Variants in ZFHX3 observed in about 807,000 individuals in gnomAD.
ZFHX3 encodes zinc finger homeobox 3.
In ZFHX3, 42 loss-of-function variants were observed where a neutral mutation model predicts 279.1. That is an observed-to-expected ratio of 0.15 (90% CI 0.12 to 0.19). The LOEUF is 0.19. Ranked by LOEUF, ZFHX3 falls within the 10% of genes least tolerant of loss-of-function variation. The pLI, the probability that ZFHX3 is intolerant of heterozygous loss-of-function variation, is 1.00. For synonymous variants in ZFHX3, 2,293 were observed against 1,957.8 expected (o/e 1.17, Z -4.52); for missense variants, 4,981 against 4,754.0 (o/e 1.05, Z -1.40).
At chr16:73,000,429 C>G (rs1963450418) in intron 1 of ZFHX3, among the ~76,000 whole-genome samples, 1 of 152,096 alleles carries the variant, frequency 6.6e-6, no homozygotes, top group Non-Finnish European at 1.5e-5. Context: ...CCATTTTTTT[C>G]CTAACTCATT....
chr16:73,183,159 C>A (rs1047351665), intron 5 of ZFHX3, among the ~76,000 whole-genome samples: 2 of 152,092 alleles, frequency 1.3e-5, no homozygotes, highest in African/African-American at 4.8e-5. Context: ...GAGCCAAGAT[C>A]GTGCCACTGC....
chr16:72,949,261 C>T (rs1242864391), intron 3 of ZFHX3, among the ~76,000 whole-genome samples: 1 of 152,098 alleles, frequency 6.6e-6, no homozygotes, highest in African/African-American at 2.4e-5. Context: ...TAGCTCGGGG[C>T]CAGCAGAAAC....
chr16:73,647,362 G>T (rs916698386), intron 2 of ZFHX3, among the ~76,000 whole-genome samples: 1 of 152,186 alleles, frequency 6.6e-6, no homozygotes, highest in African/African-American at 2.4e-5. Flanking sequence ...TGGAGCAGGG[G>T]TGTGGTGAGA....
intron 3 of ZFHX3, among the ~76,000 whole-genome samples, chr16:73,349,619 T>A (rs1449194777): frequency 1.7e-5 from 1 of 59,152 alleles, no homozygotes; most frequent in African/African-American, 4.7e-5. Context: ...ACTTCCTCCC[T>A]CCCTTCCTCC....
intron 2 of ZFHX3, among the ~76,000 whole-genome samples, chr16:73,610,365 T>C (rs998841138): frequency 2.6e-5 from 4 of 152,192 alleles, no homozygotes; most frequent in Non-Finnish European, 5.9e-5. Context: ...GTGTGCCCCT[T>C]TTCTTCAAAC....
rs1326284850 is a variant in ZFHX3 at position 72,787,984 on chromosome 16, A to C, written c.10292T>G (p.Val3431Gly). ...PEEQKNTPRE[V>G]SPLLPKLPEE... ...AGGGAGTTTCGGCAGGAGGGGGGAC[A>C]CCTCACGGGGGGTGTTTTTCTGTTC... Residue 3431 changes from valine to glycine, a missense_variant, in exon 10 of 10, where the codon GTG becomes GGG. Transcript: ENST00000268489. 6.3e-7 allele frequency: 1 copy of C among 1,597,966 alleles called. No homozygotes were observed. The highest frequency in any genetic ancestry group is 8.5e-7 in the Non-Finnish European group (1 of 1,173,586).
intron 1 of ZFHX3, among the ~76,000 whole-genome samples, chr16:72,970,724 C>T (rs1290495406): frequency 6.6e-6 from 1 of 152,202 alleles, no homozygotes; most frequent in African/African-American, 2.4e-5. Flanking sequence ...TGCCAGCACT[C>T]AAGGCTTTTT....
At chr16:73,837,027 C>A (rs1375892369) in intron 1 of ZFHX3, among the ~76,000 whole-genome samples, 1 of 152,208 alleles carries the variant, frequency 6.6e-6, no homozygotes, top group African/African-American at 2.4e-5. Context: ...ACTTCCCAGT[C>A]TCCAGAATCA....
intron 7 of ZFHX3, chr16:72,807,148 A>C (rs538788290): frequency 1.3e-5 from 2 of 152,308 alleles, no homozygotes; most frequent in South Asian, 4.1e-4. Context: ...AGCAGCTCCT[A>C]CATCTCTTTC....
At chr16:73,574,549 C>A (rs2051779838) in intron 2 of ZFHX3, among the ~76,000 whole-genome samples, 1 of 152,164 alleles carries the variant, frequency 6.6e-6, no homozygotes, top group African/African-American at 2.4e-5. Context: ...GACCTGATAA[C>A]CCTCCAGATT....
chr16:72,857,506 G>A (rs1280800442), intron 4 of ZFHX3, among the ~76,000 whole-genome samples: 1 of 152,212 alleles, frequency 6.6e-6, no homozygotes, highest in Non-Finnish European at 1.5e-5. Flanking sequence ...GCAACATAGC[G>A]AGACTTCATC....
At chr16:73,341,719 G>C (rs148054914) in intron 3 of ZFHX3, among the ~76,000 whole-genome samples, 1 of 152,268 alleles carries the variant, frequency 6.6e-6, no homozygotes, top group Non-Finnish European at 1.5e-5. Flanking sequence ...GGATAAACAA[G>C]AGATGGTATA....
At chr16:73,436,525 C>A (rs777627836) in intron 3 of ZFHX3, among the ~76,000 whole-genome samples, 1 of 152,172 alleles carries the variant, frequency 6.6e-6, no homozygotes, top group Non-Finnish European at 1.5e-5. Context: ...ACCACCCCCA[C>A]GATTCAGTTA....
intron 2 of ZFHX3, among the ~76,000 whole-genome samples, chr16:73,619,859 G>A (rs1597031565): frequency 6.6e-6 from 1 of 152,152 alleles, no homozygotes; most frequent in East Asian, 1.9e-4. Context: ...TTTTTCTCAT[G>A]TGAGTCTCCA....
At position 73,589,733 on chromosome 16, in the gene ZFHX3, C is replaced by CAAAAA. The variant is rs59777135; in HGVS notation, c.-1547+90442_-1547+90446dup. ...TGGGTGACAGAGCGAGACTCCGTCT[C>CAAAAA]AAAAAAAAAAAAAAAAAAAAAAAAA... is the stretch of plus-strand genomic sequence containing the variant. On this transcript the variant is annotated intron_variant, in intron 2 of 17. Coordinates refer to the ZFHX3 transcript ENST00000641206. Among the ~76,000 whole-genome samples the CAAAAA allele has an allele frequency of 6.8e-3, 202 of 29,590 alleles. 54 individuals are homozygous for CAAAAA. The highest frequency in any genetic ancestry group is 0.011 in the East Asian group (6 of 536). 19.4% of individuals were successfully genotyped at this position (29,590 alleles called of 152,430 possible).
At chr16:72,886,471 A>T (rs777849447) in intron 4 of ZFHX3, among the ~76,000 whole-genome samples, 1 of 152,194 alleles carries the variant, frequency 6.6e-6, no homozygotes, top group African/African-American at 2.4e-5. Flanking sequence ...GAAGCACTAC[A>T]TTCCAAAACA....
At position 72,919,777 on chromosome 16, in the gene ZFHX3, CTTTTTTTTTT is replaced by C. The variant is rs532405250; in HGVS notation, c.3217-29825_3217-29816del. Among the ~76,000 whole-genome samples the C allele has an allele frequency of 2.8e-4, 12 of 42,290 alleles. No homozygotes were observed. The South Asian group carries it at 4.6e-3, about 16-fold the overall frequency. The allele number at this position is 42,290 out of a possible 152,430, so 27.7% of individuals were successfully genotyped here. The stretch of plus-strand genomic sequence containing the variant: ...CAACTAAAACATGTATATGCACCAT[CTTTTTTTTTT>C]TTTTTTTTTTTTTTTTTTTTTTGAG... On this transcript the variant is annotated intron_variant, in intron 3 of 9. Coordinates refer to ENST00000268489, the MANE Select transcript of ZFHX3 (RefSeq NM_006885.4).
intron 7 of ZFHX3, among the ~76,000 whole-genome samples, chr16:73,101,518 A>G (rs945123604): frequency 6.6e-6 from 1 of 152,142 alleles, no homozygotes. Flanking sequence ...AGCTGGGACA[A>G]CAGGCAAGCG....
At chr16:72,970,737 TCTC>T (rs1962069565) in intron 1 of ZFHX3, among the ~76,000 whole-genome samples, 1 of 152,192 alleles carries the variant, frequency 6.6e-6, no homozygotes, top group Admixed American at 6.5e-5. Flanking sequence ...GGCTTTTTCA[TCTC>T]CTCCCAATTT....
Sources: gnomAD v4.1 joint callset for allele counts (sites outside exome capture counted in the v4.1 genomes callset) on GRCh38, gnomAD v4.1.1 for gene constraint, MANE v1.5 for transcripts, NCBI Gene and HGNC (gene_info 2026-07-23, HGNC 2026-07-21) for gene names.